AGBL1: variants seen among roughly 807,000 people sequenced by gnomAD.
The protein encoded by AGBL1 is cytosolic carboxypeptidase 4.
In AGBL1, 130 loss-of-function variants were observed where a neutral mutation model predicts 118.9. That is an observed-to-expected ratio of 1.09 (90% confidence interval 0.95 to 1.26). The LOEUF (loss-of-function observed/expected upper bound fraction) is 1.26. Among genes scored for constraint, AGBL1 ranks in the 50% most tolerant of loss-of-function variants. The pLI is 0.00. For synonymous variants in AGBL1, 555 were observed against 478.9 expected (o/e 1.16, Z -2.08); for missense variants, 1,584 against 1,298.1 (o/e 1.22, Z -3.38).
chr15:86,411,270 T>G (rs2072487693), intron 18 of AGBL1, among the ~76,000 whole-genome samples: 1 of 151,984 alleles, frequency 6.6e-6, no homozygotes, highest in Non-Finnish European at 1.5e-5. Flanking sequence ...GCCGGGGGAC[T>G]GCCTCCCTGG....
At chr15:86,754,429 G>T (rs143298363) in intron 22 of AGBL1, among the ~76,000 whole-genome samples, 2 of 152,134 alleles carry the variant, frequency 1.3e-5, no homozygotes, top group Non-Finnish European at 1.5e-5. Context: ...GGTAGGTTCT[G>T]ATGTCTGGGT....
chr15:86,216,839 A>T (rs2078197878), intron 5 of AGBL1, among the ~76,000 whole-genome samples: 1 of 152,148 alleles, frequency 6.6e-6, no homozygotes, highest in Non-Finnish European at 1.5e-5. Context: ...ACCTCATCTC[A>T]GTCCTGCTCC....
chr15:86,299,631 T>G (rs1430805972), intron 17 of AGBL1: 1 of 152,158 alleles, frequency 6.6e-6, no homozygotes, highest in Non-Finnish European at 1.5e-5. Flanking sequence ...TTCAGTGCCT[T>G]CTGAGCCTAG....
At chr15:86,396,078 A>G (rs1430058686) in intron 17 of AGBL1, among the ~76,000 whole-genome samples, 4 of 150,360 alleles carry the variant, frequency 2.7e-5, no homozygotes, top group Non-Finnish European at 5.9e-5. Context: ...CCATTTTTTT[A>G]TGGTTGAATA....
At chr15:86,231,568 T>C (rs148606593) in intron 6 of AGBL1, among the ~76,000 whole-genome samples, 6 of 152,350 alleles carry the variant, frequency 3.9e-5, no homozygotes. Context: ...CATCACGCTG[T>C]TGGTTTGAAA....
rs185356375 is a variant in AGBL1 at position 86,894,717 on chromosome 15, G to C, written c.3159-12370G>C. ...AACCAGTAGGAGGCCACCACACACA[G>C]AATTGCTTCTTACCACTGCCAGTCA... On this transcript the variant is annotated intron_variant, in intron 22 of 22. Coordinates refer to ENST00000614907, the MANE Select transcript of AGBL1 (RefSeq NM_001386094.1). Among the ~76,000 whole-genome samples, 179 of 152,298 alleles carry C rather than the reference G, an allele frequency of 1.2e-3. 1 individual carries two copies. The highest frequency in any genetic ancestry group is 4.2e-3 in the African/African-American group (173 of 41,564).
At chr15:86,317,708 AC>A (rs1436166509) in intron 17 of AGBL1, among the ~76,000 whole-genome samples, 1 of 152,210 alleles carries the variant, frequency 6.6e-6, no homozygotes. Flanking sequence ...AATATTTTAG[AC>A]TTTTTGTGCC....
At chr15:86,136,952 G>A (rs1043181091) in intron 1 of AGBL1, among the ~76,000 whole-genome samples, 2 of 152,072 alleles carry the variant, frequency 1.3e-5, no homozygotes, top group South Asian at 2.1e-4. Flanking sequence ...TTTTTTATAG[G>A]ATTTTTTTCA....
intron 21 of AGBL1, among the ~76,000 whole-genome samples, chr15:86,645,126 A>G (rs2085256630): frequency 6.6e-6 from 1 of 152,328 alleles, no homozygotes; most frequent in South Asian, 2.1e-4. Context: ...TGTTAATATT[A>G]TCTTCTTAAT....
At chr15:86,099,980 C>T (rs1425922672) in intron 1 of AGBL1, among the ~76,000 whole-genome samples, 2 of 151,304 alleles carry the variant, frequency 1.3e-5, no homozygotes, top group African/African-American at 2.4e-5. Flanking sequence ...TGATATATGG[C>T]TTTTATTAAG....
chr15:86,854,323 T>C (rs902955226), intron 22 of AGBL1, among the ~76,000 whole-genome samples: 3 of 152,166 alleles, frequency 2.0e-5, no homozygotes, highest in Admixed American at 6.6e-5. Context: ...AAGCCTGATA[T>C]GCCCATATGC....
At chr15:86,727,406 A>T (rs917180718) in intron 22 of AGBL1, among the ~76,000 whole-genome samples, 8 of 152,168 alleles carry the variant, frequency 5.3e-5, no homozygotes, top group African/African-American at 1.9e-4. Context: ...GGAAAGAGAT[A>T]TCATTAATTT....
chr15:86,512,505 T>G (rs1437295498), intron 18 of AGBL1, among the ~76,000 whole-genome samples: 2 of 151,900 alleles, frequency 1.3e-5, no homozygotes, highest in Non-Finnish European at 2.9e-5. Context: ...TAATCTAATT[T>G]TTTCCTTGGT....
intron 17 of AGBL1, among the ~76,000 whole-genome samples, chr15:86,396,229 G>A (rs1362219091): frequency 8.4e-6 from 1 of 118,582 alleles, no homozygotes; most frequent in African/African-American, 3.7e-5. Flanking sequence ...ATATATATGT[G>A]TGTGTGTGTG....
chr15:86,498,485 G>A (rs191124975), intron 18 of AGBL1, among the ~76,000 whole-genome samples: 2 of 151,952 alleles, frequency 1.3e-5, no homozygotes, highest in Admixed American at 6.6e-5. Context: ...TGAACCAGAT[G>A]TTCACTATGT....
At chr15:86,487,195 G>A (rs75861656) in intron 18 of AGBL1, among the ~76,000 whole-genome samples, 1,623 of 152,132 alleles carry the variant, frequency 0.011, 31 homozygotes, top group African/African-American at 0.037. Flanking sequence ...GCAAAGTCAG[G>A]TCACAAGGAG....
In AGBL1 at chr15:86,159,022, A is replaced by T. The variant is rs1404279454; in HGVS notation, c.484A>T (p.Ile162Phe). 3.7e-6 allele frequency: 6 copies of T among 1,612,882 alleles called. No individual in the cohort carries two copies. Among genetic ancestry groups the T allele is most frequent in the African/African-American group, 1.3e-5 (1 of 74,898 alleles). ...TTACACCCGAAAGCGCACCCAAGCAATCAGGTACAGAGTGCCATGTAATAC... is the reference window on the plus strand; with the variant it reads ...TTACACCCGAAAGCGCACCCAAGCATTCAGGTACAGAGTGCCATGTAATAC... ...TPYTRKRTQA[I>F]RAATEVLAAL... Residue 162 changes from isoleucine (I) to phenylalanine (F), a missense_variant, in exon 5 of 23, where the codon ATC (isoleucine) becomes TTC (phenylalanine). Physicochemically the swap from Ile to Phe is conservative, Grantham distance 21. Transcript: ENST00000614907.
At chr15:86,458,793 T>G (rs1201537258) in intron 18 of AGBL1, among the ~76,000 whole-genome samples, 1 of 152,132 alleles carries the variant, frequency 6.6e-6, no homozygotes, top group African/African-American at 2.4e-5. Flanking sequence ...ATTTTTGGGT[T>G]TATTGCAAGG....
At chr15:86,437,031 A>T (rs938500065) in intron 18 of AGBL1, among the ~76,000 whole-genome samples, 5 of 152,012 alleles carry the variant, frequency 3.3e-5, no homozygotes, top group Non-Finnish European at 7.4e-5. Context: ...AATGACTCCA[A>T]ATTTCTTGGG....
Sources: allele counts gnomAD v4.1 joint callset (sites outside exome capture counted in the v4.1 genomes callset), GRCh38; gene constraint gnomAD v4.1.1; transcripts MANE v1.5; gene names NCBI Gene and HGNC (gene_info 2026-07-23, HGNC 2026-07-21).